Variants in PCDHGA9 observed in about 807,000 individuals in gnomAD.
PCDHGA9 encodes protocadherin gamma-A9.
A neutral mutation model predicts 62.5 loss-of-function variants in PCDHGA9; 37 were observed. The observed-to-expected ratio is 0.59, with a 90% CI of 0.46 to 0.78. The LOEUF (loss-of-function observed/expected upper bound fraction) is 0.78. Among genes scored for constraint, PCDHGA9 ranks in the 30% least tolerant of loss-of-function variants. PCDHGA9 has a pLI of 0.00. For missense variants in PCDHGA9, 1,138 were observed against 1,166.2 expected (o/e 0.98, Z 0.35); for synonymous variants, 459 against 484.6 (o/e 0.95, Z 0.69).
At chr5:141,419,901 C>A (rs2096446114) in intron 1 of PCDHGA9, 5 of 1,614,108 alleles carry the variant, frequency 3.1e-6, no homozygotes, top group Non-Finnish European at 4.2e-6. Flanking sequence ...CATCCCACAC[C>A]CTCTGACTCC....
Position 141,477,311 on chromosome 5 carries a change from C to G in PCDHGA9, c.2425-17496C>G. 6.2e-7 allele frequency: 1 copy of G among 1,614,186 alleles called. No individual in the cohort carries two copies. The highest frequency in any genetic ancestry group is 8.5e-7 in the Non-Finnish European group (1 of 1,180,032). ...AGTTCCACCGGGTCTCCCTTTCAGC[C>G]TTACTTCTTCCCTCAAGAATTACTT... On this transcript the variant is annotated intron_variant, in intron 1 of 3. Coordinates refer to ENST00000573521, the MANE Select transcript of PCDHGA9 (RefSeq NM_018921.3). The surrounding 1 kb of genome is among the most constrained non-coding windows in gnomAD (Gnocchi z 4.9).
At chr5:141,496,080 C>G (rs2099765822) in intron 2 of PCDHGA9, among the ~76,000 whole-genome samples, 2 of 152,150 alleles carry the variant, frequency 1.3e-5, no homozygotes, top group East Asian at 1.9e-4. Context: ...ACACAACCCC[C>G]CACCCACCAC....
In PCDHGA9 at chr5:141,486,487, C is replaced by T; in HGVS notation, c.2425-8320C>T. ...CTGGGAACCCTCCTCTCAGTACCCA[C>T]AGAACTATTTTCCTCAATATTTCAG... On this transcript the variant is annotated intron_variant, in intron 1 of 3. Coordinates refer to ENST00000573521, the MANE Select transcript of PCDHGA9 (RefSeq NM_018921.3). This position sits in a 1 kb window ranked among gnomAD's most constrained non-coding sequence, Gnocchi z 5.0. 1 of 1,614,086 alleles carries T rather than the reference C, an allele frequency of 6.2e-7. No individual in the cohort carries two copies. Among genetic ancestry groups the T allele is most frequent in the Non-Finnish European group, 8.5e-7 (1 of 1,179,918 alleles).
chr5:141,511,241 C>A lies in PCDHGA9; in HGVS notation c.*68C>A. On this transcript the variant is annotated 3_prime_UTR_variant, in exon 4 of 4. Coordinates refer to ENST00000573521, the MANE Select transcript of PCDHGA9 (RefSeq NM_018921.3). ...CCAGCCCAGCTTCTCCTTACCTGCA[C>A]CCAGGCCTCAGAGTTTCAGGGCTAA... 1 of 1,585,212 alleles carries A rather than the reference C, an allele frequency of 6.3e-7. No individual in the cohort carries two copies. The highest frequency in any genetic ancestry group is 8.6e-7 in the Non-Finnish European group (1 of 1,165,762).
Position 141,491,844 on chromosome 5 carries a change from G to A in PCDHGA9, c.2425-2963G>A. On this transcript the variant is annotated intron_variant, in intron 1 of 3. Transcript: ENST00000573521. The surrounding 1 kb of genome is among the most constrained non-coding windows in gnomAD (Gnocchi z 6.9). ...GCTCCACCCGATTCTCGGGATCATT[G>A]GACCGTTTGCGCGAAACCAGAGTGG... 1 of 1,464,184 alleles carries A rather than the reference G, an allele frequency of 6.8e-7. No homozygotes were observed. 90.7% of individuals were successfully genotyped at this position (1,464,184 alleles called of 1,614,324 possible).
chr5:141,420,934 C>T, intron 1 of PCDHGA9: 1 of 377,936 alleles, frequency 2.6e-6, no homozygotes, highest in South Asian at 5.3e-5. Context: ...TGAGCGTAAT[C>T]ATTTCTTCTG....
chr5:141,485,118 G>C lies in PCDHGA9; in HGVS notation c.2425-9689G>C, dbSNP rs547390669. 1 of 1,331,536 alleles carries C rather than the reference G, an allele frequency of 7.5e-7. No homozygotes were observed. Among genetic ancestry groups the C allele is most frequent in the East Asian group, 2.3e-5 (1 of 43,534 alleles). The allele number at this position is 1,331,536 out of a possible 1,614,324, so 82.5% of individuals were successfully genotyped here. On this transcript the variant is annotated intron_variant, in intron 1 of 3. Coordinates refer to ENST00000573521, the MANE Select transcript of PCDHGA9 (RefSeq NM_018921.3). The surrounding 1 kb of genome is among the most constrained non-coding windows in gnomAD (Gnocchi z 5.7). ...TCTCCAGCTGCTGTGGCTGTTTGGG[G>C]CGGGTCGGCTTCATCCGCGTCTCAG...
In PCDHGA9 at chr5:141,426,967, T is replaced by C. The variant is rs151241654; in HGVS notation, c.2424+21591T>C. 124 of 456,702 alleles carry C rather than the reference T, an allele frequency of 2.7e-4. 1 individual carries two copies. The highest frequency in any genetic ancestry group is 2.1e-3 in the African/African-American group (103 of 50,178). 28.3% of individuals were successfully genotyped at this position (456,702 alleles called of 1,614,324 possible). A position where few individuals can be genotyped will look rare whatever the true frequency, so the allele number is the denominator to read the frequency against. On this transcript the variant is annotated intron_variant, in intron 1 of 3. Coordinates refer to ENST00000573521, the MANE Select transcript of PCDHGA9 (RefSeq NM_018921.3). ...CCAACTGGCACTGCTGCAATTCAAA[T>C]TGAGGTCACTGATGCCAACGATAAT... is the stretch of plus-strand genomic sequence containing the variant.
chr5:141,482,383 G>A (rs1594230401), intron 1 of PCDHGA9, among the ~76,000 whole-genome samples: 2 of 152,240 alleles, frequency 1.3e-5, no homozygotes, highest in East Asian at 3.9e-4. Context: ...TAAAGTCCCT[G>A]TATGGAGCAA....
intron 1 of PCDHGA9, among the ~76,000 whole-genome samples, chr5:141,449,708 A>G (rs2098652470): frequency 6.6e-6 from 1 of 151,418 alleles, no homozygotes; most frequent in African/African-American, 2.4e-5. Context: ...CAAACACATT[A>G]TTTTTATATG....
chr5:141,468,282 G>A (rs1368214716), intron 1 of PCDHGA9, among the ~76,000 whole-genome samples: 1 of 140,012 alleles, frequency 7.1e-6, no homozygotes, highest in African/African-American at 2.7e-5. Context: ...CCGAGACCAC[G>A]CCATTGCACC....
chr5:141,422,043 G>A (rs1307532347), intron 1 of PCDHGA9: 13 of 1,611,504 alleles, frequency 8.1e-6, no homozygotes, highest in African/African-American at 1.3e-5. Flanking sequence ...ATCCAGACGA[G>A]GGAATCAACG....
rs146748846 is a variant in PCDHGA9 at position 141,452,937 on chromosome 5, G to C, written c.2425-41870G>C. 4.0e-4 allele frequency among the ~76,000 whole-genome samples: 61 copies of C among 152,254 alleles called. No individual in the cohort carries two copies. The East Asian group carries it at 0.01, about 26-fold the overall frequency. On this transcript the variant is annotated intron_variant, in intron 1 of 3. Coordinates refer to ENST00000573521, the MANE Select transcript of PCDHGA9 (RefSeq NM_018921.3). The stretch of plus-strand genomic sequence containing the variant: ...AGTAAGAAAGAGCTGCTGAAGATTT[G>C]CTTGCAATTGGTTGTCTTTAAACTG...
Position 141,404,684 on chromosome 5 carries a change from G to GT in PCDHGA9, c.1732_1733insT (p.Ala578ValfsTer36). ...TGATGGTTCTACTGGTGTGGAGCTG[G>GT]CACCCCGCTCTGCAGAGCCTGGCTA... On this transcript the variant is annotated frameshift_variant, in exon 1 of 4. Coordinates refer to ENST00000573521, the MANE Select transcript of PCDHGA9 (RefSeq NM_018921.3). LOFTEE classifies it high-confidence loss of function. 1 of 1,614,104 alleles carries GT rather than the reference G, an allele frequency of 6.2e-7. No individual in the cohort carries two copies. Among genetic ancestry groups the GT allele is most frequent in the Non-Finnish European group, 8.5e-7 (1 of 1,179,984 alleles).
chr5:141,420,186 C>A, intron 1 of PCDHGA9: 1 of 1,613,696 alleles, frequency 6.2e-7, no homozygotes, highest in Non-Finnish European at 8.5e-7. Context: ...CATTGTCCAG[C>A]CACACAAGAT....
rs368564960 is a variant in PCDHGA9 at position 141,408,437 on chromosome 5, G to T, written c.2424+3061G>T. Reference sequence around the variant, plus strand: ...GGAGAAGCTGCACTTCAGCGTAGACGCGGAGAGCGGGGACTTACTTGTGAA... The same window carrying T: ...GGAGAAGCTGCACTTCAGCGTAGACTCGGAGAGCGGGGACTTACTTGTGAA... On this transcript the variant is annotated intron_variant, in intron 1 of 3. Transcript: ENST00000573521. The T allele has an allele frequency of 1.3e-5, 21 of 1,613,950 alleles. No homozygotes were observed. Among genetic ancestry groups the T allele is most frequent in the Non-Finnish European group, 1.6e-5 (19 of 1,179,918 alleles).
chr5:141,509,435 T>C (rs547082417), intron 3 of PCDHGA9, among the ~76,000 whole-genome samples: 1 of 152,214 alleles, frequency 6.6e-6, no homozygotes, highest in South Asian at 2.1e-4. Context: ...AAACTCTTGT[T>C]TCCTCCTCTC....
In PCDHGA9 at chr5:141,431,150, C is replaced by A. The variant is rs1007532359; in HGVS notation, c.2424+25774C>A. On this transcript the variant is annotated intron_variant, in intron 1 of 3. Transcript: ENST00000573521. The surrounding 1 kb of genome is among the most constrained non-coding windows in gnomAD (Gnocchi z 4.8). ...AGTAAGGGACATTAACGACAATGCGCCTTACTTTCGTGAAAGTGAATTAGA... is the reference window on the plus strand; with the variant it reads ...AGTAAGGGACATTAACGACAATGCGACTTACTTTCGTGAAAGTGAATTAGA... The A allele has an allele frequency of 1.2e-6, 2 of 1,614,226 alleles. No individual in the cohort carries two copies. The highest frequency in any genetic ancestry group is 1.7e-6 in the Non-Finnish European group (2 of 1,180,030).
chr5:141,419,744 G>C (rs760207269), intron 1 of PCDHGA9: 1 of 1,613,896 alleles, frequency 6.2e-7, no homozygotes, highest in Non-Finnish European at 8.5e-7. Context: ...GGTGCGCATG[G>C]TGCGTGCTTT....
Sources: gnomAD v4.1 joint callset for allele counts (sites outside exome capture counted in the v4.1 genomes callset) on GRCh38, gnomAD v4.1.1 for gene constraint, Gnocchi (gnomAD v3.1) non-coding constraint, MANE v1.5 for transcripts, NCBI Gene and HGNC (gene_info 2026-07-23, HGNC 2026-07-21) for gene names.